The following ASTN1 variants were observed in gnomAD, a reference collection of about 807,000 sequenced individuals.
ASTN1 encodes astrotactin-1.
Under a neutral mutation model 140.7 loss-of-function variants are expected in ASTN1, and 41 were observed. That is an observed-to-expected ratio of 0.29 (90% CI 0.23 to 0.38). The LOEUF is 0.38. Ranked by LOEUF, ASTN1 falls within the 10% of genes least tolerant of loss-of-function variation. ASTN1 has a pLI of 1.00. For synonymous variants in ASTN1, 640 were observed against 652.2 expected, an observed-to-expected ratio of 0.98 and a Z score of 0.29; for missense variants, 1,479 against 1,678.8, an observed-to-expected ratio of 0.88 and a Z score of 2.08.
chr1:177,092,004 C>A (rs995621137), intron 1 of ASTN1, among the ~76,000 whole-genome samples: 2 of 151,752 alleles, frequency 1.3e-5, no homozygotes, highest in Non-Finnish European at 2.9e-5. Context: ...TTTCAATTTT[C>A]TTGGTTATGT....
At chr1:177,092,100 C>A (rs1298878477) in intron 1 of ASTN1, among the ~76,000 whole-genome samples, 3 of 152,086 alleles carry the variant, frequency 2.0e-5, no homozygotes, top group African/African-American at 7.2e-5. Context: ...TCAGCTGAAC[C>A]ACTTTAAATT....
chr1:177,082,184 A>C (rs1226589854), intron 1 of ASTN1, among the ~76,000 whole-genome samples: 1 of 152,190 alleles, frequency 6.6e-6, no homozygotes, highest in Non-Finnish European at 1.5e-5. Context: ...TGCACAAGTG[A>C]TGGTAAGTGG....
intron 1 of ASTN1, among the ~76,000 whole-genome samples, chr1:177,063,582 G>T (rs1438390180): frequency 6.6e-6 from 1 of 152,112 alleles, no homozygotes; most frequent in Non-Finnish European, 1.5e-5. Flanking sequence ...ATGTCTGTGG[G>T]GGTGCATGGT....
chr1:176,914,462 A>G (rs1479362867), intron 16 of ASTN1, among the ~76,000 whole-genome samples: 2 of 152,242 alleles, frequency 1.3e-5, no homozygotes, highest in African/African-American at 4.8e-5. Context: ...AGAGGTCATT[A>G]CAAAGCTTAA....
At chr1:177,007,845 T>C (rs1252083379) in intron 8 of ASTN1, among the ~76,000 whole-genome samples, 2 of 152,222 alleles carry the variant, frequency 1.3e-5, no homozygotes, top group African/African-American at 4.8e-5. Flanking sequence ...TAGAAAAAAG[T>C]ACCCATCTGG....
At chr1:176,883,039 G>C in intron 19 of ASTN1, 45 bp from the exon 20 acceptor site, 1 of 1,610,700 alleles carries the variant, frequency 6.2e-7, no homozygotes, top group Non-Finnish European at 8.5e-7. Context: ...AAACAATGAC[G>C]GCCAAGCAAT....
chr1:177,023,257 C>T, intron 7 of ASTN1, 147 bp downstream of exon 7: 1 of 1,025,446 alleles, frequency 9.8e-7, no homozygotes, highest in Non-Finnish European at 1.4e-6. Context: ...AGCTCTGCGG[C>T]CCAACCACAT....
intron 20 of ASTN1, 139 bp downstream of exon 20, chr1:176,882,720 A>T: frequency 8.2e-7 from 1 of 1,213,986 alleles, no homozygotes; most frequent in Non-Finnish European, 1.2e-6. Context: ...CATTCTCTAT[A>T]ATGCCACCTG....
chr1:177,079,690 C>G (rs556599234), intron 1 of ASTN1, among the ~76,000 whole-genome samples: 1 of 152,142 alleles, frequency 6.6e-6, no homozygotes, highest in Non-Finnish European at 1.5e-5. Flanking sequence ...CCTGAGAACA[C>G]AAGTACTACA....
intron 20 of ASTN1, among the ~76,000 whole-genome samples, chr1:176,880,103 C>G (rs1272634291): frequency 6.6e-6 from 1 of 152,172 alleles, no homozygotes; most frequent in Admixed American, 6.5e-5. Flanking sequence ...AGTATATTTA[C>G]TGCTTTGTCC....
At chr1:176,965,305 C>T in intron 8 of ASTN1, 68 bp from the exon 9 acceptor site, 1 of 1,530,710 alleles carries the variant, frequency 6.5e-7, no homozygotes, top group Non-Finnish European at 9.0e-7. Context: ...CACTTCGTAT[C>T]AGGCACAGTG....
intron 1 of ASTN1, among the ~76,000 whole-genome samples, chr1:177,130,163 A>G (rs1483513029): frequency 6.6e-6 from 1 of 152,006 alleles, no homozygotes; most frequent in African/African-American, 2.4e-5. Context: ...TATAATTGAC[A>G]TTTTCTTTTA....
At chr1:176,996,264 C>CTT (rs1674434840) in intron 8 of ASTN1, among the ~76,000 whole-genome samples, 1 of 85,266 alleles carries the variant, frequency 1.2e-5, no homozygotes, top group Non-Finnish European at 2.4e-5. Context: ...CATATATCCT[C>CTT]TCTCTCTCTC....
chr1:176,914,323 C>T (rs1289691221), intron 16 of ASTN1, among the ~76,000 whole-genome samples: 3 of 152,084 alleles, frequency 2.0e-5, no homozygotes, highest in South Asian at 2.1e-4. Context: ...CCAGGGGAGT[C>T]GCCAAAGGCC....
At chr1:176,928,278 G>A (rs1026735688) in intron 16 of ASTN1, among the ~76,000 whole-genome samples, 3 of 151,976 alleles carry the variant, frequency 2.0e-5, no homozygotes, top group Non-Finnish European at 4.4e-5. Context: ...TCTAGGGAGT[G>A]GAACAGGATT....
At position 176,882,949 on chromosome 1, in the gene ASTN1, G is replaced by A. The variant is rs775285855; in HGVS notation, c.3272C>T (p.Ser1091Phe). Reference protein sequence around the residue: ...FVDDIISGAKSPCAMPSQVPD... With the variant: ...FVDDIISGAKFPCAMPSQVPD... ...CACCTGAGATGGCATTGCACAAGGAGACTTTGCTCCAGAGATGATGTCGTC... is the reference window on the plus strand; with the variant it reads ...CACCTGAGATGGCATTGCACAAGGAAACTTTGCTCCAGAGATGATGTCGTC... Residue 1091 changes from serine (S) to phenylalanine (F), a missense_variant, in exon 20 of 23, where the codon TCT (serine) becomes TTT (phenylalanine). Ser to Phe is a radical substitution (Grantham distance 155, BLOSUM62 -2). Coordinates refer to ENST00000361833, the MANE Select transcript of ASTN1 (RefSeq NM_004319.3). 2.5e-6 allele frequency: 4 copies of A among 1,614,036 alleles called. No individual in the cohort carries two copies. In the East Asian group the frequency reaches 8.9e-5, roughly 36 times the overall value.
At chr1:176,881,578 G>A (rs925117656) in intron 20 of ASTN1, among the ~76,000 whole-genome samples, 2 of 151,426 alleles carry the variant, frequency 1.3e-5, no homozygotes, top group African/African-American at 4.8e-5. Context: ...CCTTTCACCT[G>A]CTCCCCTCCA....
intron 1 of ASTN1, among the ~76,000 whole-genome samples, chr1:177,113,104 G>C (rs1006673117): frequency 5.3e-5 from 8 of 152,066 alleles, no homozygotes; most frequent in Admixed American, 1.3e-4. Context: ...CACACACTCG[G>C]CATCTTCCCA....
At chr1:177,161,487 A>T (rs1647364269) in intron 1 of ASTN1, among the ~76,000 whole-genome samples, 1 of 152,196 alleles carries the variant, frequency 6.6e-6, no homozygotes. Context: ...AATGGGATAG[A>T]GGCTTCATAG....
Sources: allele counts gnomAD v4.1 joint callset (sites outside exome capture counted in the v4.1 genomes callset), GRCh38; gene constraint gnomAD v4.1.1; transcripts MANE v1.5; gene names NCBI Gene and HGNC (gene_info 2026-07-23, HGNC 2026-07-21).